Variants in ZNF579 observed in about 807,000 individuals in gnomAD.
The protein encoded by ZNF579 is zinc finger protein 579.
Under a neutral mutation model 5.7 loss-of-function variants are expected in ZNF579, and 3 were observed. That is an observed-to-expected ratio of 0.53 (90% confidence interval 0.24 to 1.36). ZNF579 has a LOEUF of 1.36. Ranked by LOEUF, ZNF579 falls within the 40% of genes most tolerant of loss-of-function variation. The probability of loss-of-function intolerance (pLI) is 0.16; values close to 1 mark genes in which losing one functional copy is unlikely to be tolerated. For missense variants in ZNF579, 679 were observed against 877.6 expected (o/e 0.77, Z 2.86); for synonymous variants, 454 against 409.0 (o/e 1.11, Z -1.33).
chr19:55,578,211 G>C lies in ZNF579; in HGVS notation c.1429C>G (p.Gln477Glu), dbSNP rs779863821. ...LERAAALQAL[Q>E]AQAPTSPPPP... The stretch of plus-strand genomic sequence containing the variant: ...GGCGGCGACGTCGGGGCCTGGGCCT[G>C]CAGTGCCTGCAGCGCGGCGGCCCTC... Residue 477 changes from glutamine (Q) to glutamate (E), a missense_variant, in exon 2 of 2, where the codon CAG becomes GAG. Coordinates refer to ENST00000325421, the MANE Select transcript of ZNF579 (RefSeq NM_152600.3). 1 of 1,465,844 alleles carries C rather than the reference G, an allele frequency of 6.8e-7. No individual in the cohort carries two copies. The highest frequency in any genetic ancestry group is 1.4e-5 in the South Asian group (1 of 70,672). 90.8% of individuals were successfully genotyped at this position (1,465,844 alleles called of 1,614,324 possible).
At chr19:55,579,678 G>C (rs1257219566) in intron 1 of ZNF579, 37 bp from the exon 2 acceptor site, 1 of 1,393,768 alleles carries the variant, frequency 7.2e-7, no homozygotes, top group Admixed American at 3.5e-5. Flanking sequence ...AAGCGGGGCA[G>C]AGATAAAAAG....
At chr19:55,579,876 CAGG>C (rs1281009477) in intron 1 of ZNF579, 3 of 406,656 alleles carry the variant, frequency 7.4e-6, no homozygotes, top group Non-Finnish European at 8.5e-6. Flanking sequence ...GGAATAGAGA[CAGG>C]AGAAGGCAGA....
Position 55,577,985 on chromosome 19 carries a change from G to T in ZNF579, c.1655C>A (p.Ala552Asp). 6.3e-7 allele frequency: 1 copy of T among 1,599,396 alleles called. No individual in the cohort carries two copies. The highest frequency in any genetic ancestry group is 8.5e-7 in the Non-Finnish European group (1 of 1,173,268). Residue 552 changes from alanine to aspartate, a missense_variant, in exon 2 of 2, where the codon GCT becomes GAT. Coordinates refer to ENST00000325421, the MANE Select transcript of ZNF579 (RefSeq NM_152600.3). Reference protein sequence around the residue: ...EMEEEEVDSKAHLRGLGGLAS With the variant: ...EMEEEEVDSKDHLRGLGGLAS ...CAGGCCCCCCAGCCCGCGCAGGTGAGCCTTGCTGTCTACCTCTTCCTCCTC... is the reference window on the plus strand; with the variant it reads ...CAGGCCCCCCAGCCCGCGCAGGTGATCCTTGCTGTCTACCTCTTCCTCCTC...
Position 55,577,930 on chromosome 19 carries a change from C to T in ZNF579, c.*21G>A, listed in dbSNP as rs1387732710. The T allele has an allele frequency of 6.4e-7, 1 of 1,568,048 alleles. No individual in the cohort carries two copies. Among genetic ancestry groups the T allele is most frequent in the Non-Finnish European group, 8.6e-7 (1 of 1,157,350 alleles). On this transcript the variant is annotated 3_prime_UTR_variant, in exon 2 of 2. Transcript: ENST00000325421. Reference sequence around the variant, plus strand: ...AAACCGGGGAGCTCAGGCGGAGCGGCGGAGGGCAGGGCGGCGAAGGTCAGG... The same window carrying T: ...AAACCGGGGAGCTCAGGCGGAGCGGTGGAGGGCAGGGCGGCGAAGGTCAGG...
In ZNF579 at chr19:55,579,468, A is replaced by G. The variant is rs1979562268; in HGVS notation, c.172T>C (p.Tyr58His). ...TCGRLFRFPY[Y>H]LSRHRLSHSG... ...TGGCTCAGCCGGTGCCGGGAGAGGT[A>G]GTAGGGGAAACGGAAGAGGCGGCCG... Residue 58 changes from tyrosine (Y) to histidine (H), a missense_variant, in exon 2 of 2, where the codon TAC becomes CAC. By Grantham distance (83) the Tyr-to-His change is moderately conservative. Around this residue, in one of 6 missense-constraint regions of ZNF579, gnomAD observed 134 missense variants for 208.9 expected, o/e 0.64. Coordinates refer to ENST00000325421, the MANE Select transcript of ZNF579 (RefSeq NM_152600.3). 3 of 1,351,978 alleles carry G rather than the reference A, an allele frequency of 2.2e-6. No individual in the cohort carries two copies. The highest frequency in any genetic ancestry group is 3.1e-5 in the African/African-American group (2 of 64,258). The allele number at this position is 1,351,978 out of a possible 1,614,324, so 83.7% of individuals were successfully genotyped here.
chr19:55,578,505 C>T lies in ZNF579; in HGVS notation c.1135G>A (p.Ala379Thr), dbSNP rs552652206. The T allele has an allele frequency of 7.1e-7, 1 of 1,416,048 alleles. No homozygotes were observed. 87.7% of individuals were successfully genotyped at this position (1,416,048 alleles called of 1,614,324 possible). A position where few individuals can be genotyped will look rare whatever the true frequency, so the allele number is the denominator to read the frequency against. ...GGDAAPARPP[A>T]GEPRFWCPEC... Reference sequence around the variant, plus strand: ...GGGCACCAGAAGCGGGGCTCCCCGGCGGGGGGCCGAGCCGGGGCGGCGTCG... The same window carrying T: ...GGGCACCAGAAGCGGGGCTCCCCGGTGGGGGGCCGAGCCGGGGCGGCGTCG... The change falls in exon 2 of 2, where the codon GCC becomes ACC. Residue 379 changes from alanine to threonine, a missense_variant. Coordinates refer to ENST00000325421, the MANE Select transcript of ZNF579 (RefSeq NM_152600.3).
At position 55,577,793 on chromosome 19, in the gene ZNF579, T is replaced by C; in HGVS notation, c.*158A>G. 1 of 1,333,786 alleles carries C rather than the reference T, an allele frequency of 7.5e-7. No homozygotes were observed. The allele number at this position is 1,333,786 out of a possible 1,614,324, so 82.6% of individuals were successfully genotyped here. A position where few individuals can be genotyped will look rare whatever the true frequency, so the allele number is the denominator to read the frequency against. On this transcript the variant is annotated 3_prime_UTR_variant, in exon 2 of 2. Coordinates refer to ENST00000325421, the MANE Select transcript of ZNF579 (RefSeq NM_152600.3). ...CATCAGGGGTTCTGGGGGCGGGCGA[T>C]GGGGGAGGAAGGGGCAGTCCAGGGC...
In ZNF579 at chr19:55,579,067, G is replaced by A; in HGVS notation, c.573C>T (p.Pro191=). 7.8e-6 allele frequency: 12 copies of A among 1,529,620 alleles called. No individual in the cohort carries two copies. Among genetic ancestry groups the A allele is most frequent in the Non-Finnish European group, 1.0e-5 (12 of 1,144,434 alleles). The allele number at this position is 1,529,620 out of a possible 1,614,324, so 94.8% of individuals were successfully genotyped here. Reference sequence around the variant, plus strand: ...CGGCCTCCTCCGACTCCGACTCCCGGGGCTCCGCGGCGCTGGTGGGCGCAG... The same window carrying A: ...CGGCCTCCTCCGACTCCGACTCCCGAGGCTCCGCGGCGCTGGTGGGCGCAG... ...TLAAPTSAAE[P]RESESEEAEA... is the part of the protein sequence containing the mutation. Residue 191 remains proline, a synonymous_variant, in exon 2 of 2, where the codon CCC becomes CCT. Coordinates refer to ENST00000325421, the MANE Select transcript of ZNF579 (RefSeq NM_152600.3).
chr19:55,579,075 C>T lies in ZNF579; in HGVS notation c.565G>A (p.Ala189Thr), dbSNP rs1487101460. 4.6e-6 allele frequency: 7 copies of T among 1,529,298 alleles called. No individual in the cohort carries two copies. The highest frequency in any genetic ancestry group is 5.2e-6 in the Non-Finnish European group (6 of 1,144,254). The allele number at this position is 1,529,298 out of a possible 1,614,324, so 94.7% of individuals were successfully genotyped here. Residue 189 changes from alanine to threonine, a missense_variant, in exon 2 of 2, where the codon GCG becomes ACG. Physicochemically the swap from Ala to Thr is moderately conservative, Grantham distance 58. This residue lies in a region of ZNF579 where 209 missense variants were observed against 223.4 expected (regional missense o/e 0.94). Transcript: ENST00000325421. Reference protein sequence around the residue: ...PSTLAAPTSAAEPRESESEEA... With the variant: ...PSTLAAPTSATEPRESESEEA... ...TCCGACTCCGACTCCCGGGGCTCCG[C>T]GGCGCTGGTGGGCGCAGCCAGCGTG...
chr19:55,578,498 T>C lies in ZNF579; in HGVS notation c.1142A>G (p.Glu381Gly). Residue 381 changes from glutamate (E) to glycine (G), a missense_variant, in exon 2 of 2, where the codon GAG becomes GGG. Physicochemically the swap from Glu to Gly is moderately conservative, Grantham distance 98. Transcript: ENST00000325421. ...GCACTCTGGGCACCAGAAGCGGGGCTCCCCGGCGGGGGGCCGAGCCGGGGC... is the reference window on the plus strand; with the variant it reads ...GCACTCTGGGCACCAGAAGCGGGGCCCCCCGGCGGGGGGCCGAGCCGGGGC... The part of the protein sequence containing the change: ...DAAPARPPAG[E>G]PRFWCPECGK... 7.0e-7 allele frequency: 1 copy of C among 1,419,800 alleles called. No homozygotes were observed. The highest frequency in any genetic ancestry group is 2.9e-5 in the East Asian group (1 of 34,928). 88.0% of individuals were successfully genotyped at this position (1,419,800 alleles called of 1,614,324 possible).
In ZNF579 at chr19:55,578,176, C is replaced by T. The variant is rs1979454649; in HGVS notation, c.1464G>A (p.Pro488=). The part of the protein sequence containing the change: ...AQAPTSPPPP[P]PPLKAEQEEE... Reference sequence around the variant, plus strand: ...CCTCCTGCTCGGCCTTCAGGGGCGGCGGGGGCGGTGGCGGCGACGTCGGGG... The same window carrying T: ...CCTCCTGCTCGGCCTTCAGGGGCGGTGGGGGCGGTGGCGGCGACGTCGGGG... Residue 488 remains proline, a synonymous_variant, in exon 2 of 2, where the codon CCG becomes CCA. Coordinates refer to ENST00000325421, the MANE Select transcript of ZNF579 (RefSeq NM_152600.3). The T allele has an allele frequency of 6.7e-7, 1 of 1,502,308 alleles. No homozygotes were observed. The highest frequency in any genetic ancestry group is 8.9e-7 in the Non-Finnish European group (1 of 1,126,672). The allele number at this position is 1,502,308 out of a possible 1,614,324, so 93.1% of individuals were successfully genotyped here.
At position 55,578,099 on chromosome 19, in the gene ZNF579, G is replaced by A. The variant is rs745560495; in HGVS notation, c.1541C>T (p.Pro514Leu). ...LANIKEEPPS[P>L]GTPPQSPPAP... ...CGGCGGGGACTGGGGTGGGGTCCCC[G>A]GAGAGGGCGGCTCTTCCTTAATGTT... Residue 514 changes from proline to leucine, a missense_variant, in exon 2 of 2, where the codon CCG becomes CTG. By Grantham distance (98) the Pro-to-Leu change is moderately conservative. Around this residue, in one of 6 missense-constraint regions of ZNF579, gnomAD observed 116 missense variants for 121.9 expected, o/e 0.95. Transcript: ENST00000325421. 6 of 1,564,690 alleles carry A rather than the reference G, an allele frequency of 3.8e-6. No homozygotes were observed. Among genetic ancestry groups the A allele is most frequent in the African/African-American group, 2.7e-5 (2 of 74,164 alleles).
At position 55,578,622 on chromosome 19, in the gene ZNF579, A is replaced by G; in HGVS notation, c.1018T>C (p.Ser340Pro). Residue 340 changes from serine (S) to proline (P), a missense_variant, in exon 2 of 2, where the codon TCG becomes CCG. Around this residue, in one of 6 missense-constraint regions of ZNF579, gnomAD observed 114 missense variants for 98.9 expected, o/e 1.15. Transcript: ENST00000325421. ...PAAGKKDDKA[S>P]GARNSAKGPE... is the part of the protein sequence containing the mutation. Reference sequence around the variant, plus strand: ...CCCTTGGCTGAGTTCCGTGCACCCGAGGCCTTGTCGTCCTTCTTGCCCGCC... The same window carrying G: ...CCCTTGGCTGAGTTCCGTGCACCCGGGGCCTTGTCGTCCTTCTTGCCCGCC... The G allele has an allele frequency of 6.6e-7, 1 of 1,525,660 alleles. No homozygotes were observed. Among genetic ancestry groups the G allele is most frequent in the Non-Finnish European group, 8.7e-7 (1 of 1,148,258 alleles). 94.5% of individuals were successfully genotyped at this position (1,525,660 alleles called of 1,614,324 possible).
chr19:55,579,389 G>A lies in ZNF579; in HGVS notation c.251C>T (p.Pro84Leu). 7.5e-7 allele frequency: 1 copy of A among 1,339,314 alleles called. No individual in the cohort carries two copies. Among genetic ancestry groups the A allele is most frequent in the Non-Finnish European group, 9.6e-7 (1 of 1,045,120 alleles). The allele number at this position is 1,339,314 out of a possible 1,614,324, so 83.0% of individuals were successfully genotyped here. The change falls in exon 2 of 2, where the codon CCG (proline) becomes CTG (leucine). Residue 84 changes from proline (P) to leucine (L), a missense_variant. Pro to Leu is a moderately conservative substitution (Grantham distance 98, BLOSUM62 -3). Around this residue, in one of 6 missense-constraint regions of ZNF579, gnomAD observed 134 missense variants for 208.9 expected, o/e 0.64. Coordinates refer to ENST00000325421, the MANE Select transcript of ZNF579 (RefSeq NM_152600.3). ...GCGCAGGTGGCGGGAAAGGTGGGCC[G>A]GCCGGCGGAAGGCCTTGGGGCACAG... ...CPLCPKAFRR[P>L]AHLSRHLRGH... is the part of the protein sequence containing the mutation.
Position 55,578,496 on chromosome 19 carries a change from G to T in ZNF579, c.1144C>A (p.Pro382Thr). 7.0e-7 allele frequency: 1 copy of T among 1,421,400 alleles called. No individual in the cohort carries two copies. Among genetic ancestry groups the T allele is most frequent in the Non-Finnish European group, 9.1e-7 (1 of 1,098,766 alleles). The allele number at this position is 1,421,400 out of a possible 1,614,324, so 88.0% of individuals were successfully genotyped here. A position where few individuals can be genotyped will look rare whatever the true frequency, so the allele number is the denominator to read the frequency against. The change falls in exon 2 of 2, where the codon CCC (proline) becomes ACC (threonine). Residue 382 changes from proline (P) to threonine (T), a missense_variant. By Grantham distance (38) the Pro-to-Thr change is conservative. This residue lies in a region of ZNF579 where 114 missense variants were observed against 98.9 expected (regional missense o/e 1.15). Transcript: ENST00000325421. ...AAPARPPAGE[P>T]RFWCPECGKG... ...CCGCACTCTGGGCACCAGAAGCGGG[G>T]CTCCCCGGCGGGGGGCCGAGCCGGG...
chr19:55,578,074 C>T lies in ZNF579; in HGVS notation c.1566G>A (p.Pro522=), dbSNP rs748619602. The change falls in exon 2 of 2, where the codon CCG becomes CCA. Residue 522 remains proline, a synonymous_variant. Transcript: ENST00000325421. ...AGGCGCTGAGGAAGACAGGGGGAGC[C>T]GGCGGGGACTGGGGTGGGGTCCCCG... ...PSPGTPPQSP[P]APPVFLSASC... 11 of 1,577,170 alleles carry T rather than the reference C, an allele frequency of 7.0e-6. No individual in the cohort carries two copies. Among genetic ancestry groups the T allele is most frequent in the African/African-American group, 1.3e-5 (1 of 74,366 alleles).
chr19:55,580,612 ACTCGGGAGGGAGG>A (rs1309375993), intron 1 of ZNF579, among the ~76,000 whole-genome samples, 170 bp downstream of exon 1: 4 of 146,348 alleles, frequency 2.7e-5, no homozygotes, highest in African/African-American at 1.0e-4. Flanking sequence ...GGACCCCTGG[ACTCGGGAGGGAGG>A]CTGGTGGGGG....
At position 55,578,615 on chromosome 19, in the gene ZNF579, G is replaced by C. The variant is rs750787576; in HGVS notation, c.1025C>G (p.Ala342Gly). Residue 342 changes from alanine (A) to glycine (G), a missense_variant, in exon 2 of 2, where the codon GCA becomes GGA. By Grantham distance (60) the Ala-to-Gly change is moderately conservative. Coordinates refer to ENST00000325421, the MANE Select transcript of ZNF579 (RefSeq NM_152600.3). ...CTCCGGCCCCTTGGCTGAGTTCCGTGCACCCGAGGCCTTGTCGTCCTTCTT... is the reference window on the plus strand; with the variant it reads ...CTCCGGCCCCTTGGCTGAGTTCCGTCCACCCGAGGCCTTGTCGTCCTTCTT... Reference protein sequence around the residue: ...AGKKDDKASGARNSAKGPEGG... With the variant: ...AGKKDDKASGGRNSAKGPEGG... 2 of 1,523,218 alleles carry C rather than the reference G, an allele frequency of 1.3e-6. No homozygotes were observed. The highest frequency in any genetic ancestry group is 1.3e-5 in the South Asian group (1 of 79,380). 94.4% of individuals were successfully genotyped at this position (1,523,218 alleles called of 1,614,324 possible). A position where few individuals can be genotyped will look rare whatever the true frequency, so the allele number is the denominator to read the frequency against.
rs1223557650 is a variant in ZNF579, at chr19:55,578,627, T to C, written c.1013A>G (p.Lys338Arg). 12 of 1,526,928 alleles carry C rather than the reference T, an allele frequency of 7.9e-6. No individual in the cohort carries two copies. The highest frequency in any genetic ancestry group is 1.0e-5 in the Non-Finnish European group (12 of 1,148,096). The allele number at this position is 1,526,928 out of a possible 1,614,324, so 94.6% of individuals were successfully genotyped here. A position where few individuals can be genotyped will look rare whatever the true frequency, so the allele number is the denominator to read the frequency against. Residue 338 changes from lysine (K) to arginine (R), a missense_variant, in exon 2 of 2, where the codon AAG (lysine) becomes AGG (arginine). Physicochemically the swap from Lys to Arg is conservative, Grantham distance 26. Transcript: ENST00000325421. ...GGCTGAGTTCCGTGCACCCGAGGCC[T>C]TGTCGTCCTTCTTGCCCGCCGCGGG... ...PLPAAGKKDD[K>R]ASGARNSAKG...
Sources: gnomAD v4.1 joint callset for allele counts (sites outside exome capture counted in the v4.1 genomes callset) on GRCh38, gnomAD v4.1.1 for gene constraint, gnomAD v4.1.1 regional missense constraint, MANE v1.5 for transcripts, NCBI Gene and HGNC (gene_info 2026-07-23, HGNC 2026-07-21) for gene names.